BNC2: variants seen among roughly 807,000 people sequenced by gnomAD.
BNC2 encodes the protein basonuclin zinc finger protein 2.
In BNC2, 20 loss-of-function variants were observed where a neutral mutation model predicts 76.3. That is an observed-to-expected ratio of 0.26 (90% CI 0.18 to 0.38). The LOEUF (loss-of-function observed/expected upper bound fraction) is 0.38, where lower values mean the gene tolerates loss of function less well. Among genes scored for constraint, BNC2 ranks in the 10% least tolerant of loss-of-function variants. The probability of loss-of-function intolerance (pLI) is 1.00; values close to 1 mark genes in which losing one functional copy is unlikely to be tolerated. For missense variants in BNC2, 1,382 were observed against 1,399.8 expected, an observed-to-expected ratio of 0.99 and a Z score of 0.20; for synonymous variants, 582 against 514.8, an observed-to-expected ratio of 1.13 and a Z score of -1.77.
chr9:16,443,615 AG>A (rs1339138101), intron 5 of BNC2, among the ~76,000 whole-genome samples: 1 of 151,304 alleles, frequency 6.6e-6, no homozygotes, highest in Non-Finnish European at 1.5e-5. Context: ...TTCAAGTCTT[AG>A]GGGTAAAGAA....
In BNC2 at chr9:16,707,362, A is replaced by G. The variant is rs142606316; in HGVS notation, c.330+20435T>C. Among the ~76,000 whole-genome samples the G allele has an allele frequency of 3.0e-3, 458 of 152,346 alleles. 3 individuals carry two copies. The highest frequency in any genetic ancestry group is 0.011 in the African/African-American group (443 of 41,580). On this transcript the variant is annotated intron_variant, in intron 3 of 6. Transcript: ENST00000380672. ...AGGAAGAATCAAGTGATGCCGTGAG[A>G]TTAAAATTACAGAGGTTAATTTCTA...
chr9:16,647,093 A>G (rs2133909330), intron 3 of BNC2, among the ~76,000 whole-genome samples: 1 of 152,330 alleles, frequency 6.6e-6, no homozygotes, highest in East Asian at 1.9e-4. Context: ...ACCTGGTTGT[A>G]GATGATATTT....
intron 3 of BNC2, among the ~76,000 whole-genome samples, chr9:16,628,362 G>C (rs942622285): frequency 1.3e-5 from 2 of 152,140 alleles, no homozygotes; most frequent in African/African-American, 4.8e-5. Flanking sequence ...ACAGTGGTAG[G>C]GAGAAAATCC....
chr9:16,589,188 T>A (rs1013582036), intron 3 of BNC2, among the ~76,000 whole-genome samples: 9 of 151,870 alleles, frequency 5.9e-5, no homozygotes, highest in African/African-American at 2.2e-4. Flanking sequence ...AAAAAAAAAA[T>A]TTTGTTGTTT....
At chr9:16,768,239 T>A (rs977642158) in intron 1 of BNC2, among the ~76,000 whole-genome samples, 4 of 152,112 alleles carry the variant, frequency 2.6e-5, no homozygotes, top group Non-Finnish European at 5.9e-5. Context: ...GTGCTAGGAT[T>A]ACAGGCGTGA....
intron 5 of BNC2, among the ~76,000 whole-genome samples, chr9:16,508,804 G>C (rs1458356888): frequency 1.4e-5 from 2 of 148,012 alleles, no homozygotes; most frequent in Admixed American, 1.4e-4. Context: ...TCCCTCCTCT[G>C]TGTATGTTTT....
intron 3 of BNC2, among the ~76,000 whole-genome samples, chr9:16,664,198 G>A (rs548352717): frequency 1.2e-4 from 19 of 152,294 alleles, no homozygotes; most frequent in Non-Finnish European, 2.2e-4. Context: ...GAATTTGATA[G>A]GGAATGCTCC....
intron 1 of BNC2, among the ~76,000 whole-genome samples, chr9:16,842,154 G>T (rs992342216): frequency 1.3e-5 from 2 of 152,128 alleles, no homozygotes; most frequent in Admixed American, 6.5e-5. Context: ...TTTTGAAGCT[G>T]CTTTGCCTTA....
In BNC2 at chr9:16,798,762, T is replaced by C. The variant is rs141793209; in HGVS notation, c.4-60277A>G. ...TGCTCCCCACCACCCTGTAAGTCCA[T>C]TTCCATTGCACAACTACACTGAATG... On this transcript the variant is annotated intron_variant, in intron 1 of 6. Transcript: ENST00000380672. 1.5e-3 allele frequency among the ~76,000 whole-genome samples: 227 copies of C among 152,312 alleles called. 2 individuals are homozygous for C. Among genetic ancestry groups the C allele is most frequent in the Middle Eastern group, 0.01 (3 of 294 alleles).
chr9:16,573,888 G>C (rs1272096134), intron 4 of BNC2, among the ~76,000 whole-genome samples: 1 of 152,146 alleles, frequency 6.6e-6, no homozygotes, highest in East Asian at 1.9e-4. Context: ...GGTAAGAAAT[G>C]GGATGTATAA....
rs1820492142 is a variant in BNC2 at position 16,412,723 on chromosome 9, GAGAGAGAGAGAGA to G, written c.*6253_*6265del. ...AAGAGGGAAGGAGAGAGAGAGGGGA[GAGAGAGAGAGAGA>G]GAGAGAGAGAGAGAGAGAGAGAGAG... On this transcript the variant is annotated 3_prime_UTR_variant, in exon 7 of 7. Transcript: ENST00000380672. 5.4e-5 allele frequency: 1 copy of G among 18,502 alleles called. No individual in the cohort carries two copies. The highest frequency in any genetic ancestry group is 9.7e-4 in the African/African-American group (1 of 1,034). The allele number at this position is 18,502 out of a possible 1,614,324, so 1.1% of individuals were successfully genotyped here. A position where few individuals can be genotyped will look rare whatever the true frequency, so the allele number is the denominator to read the frequency against.
At chr9:16,596,093 C>T (rs1190532131) in intron 3 of BNC2, among the ~76,000 whole-genome samples, 2 of 152,058 alleles carry the variant, frequency 1.3e-5, no homozygotes, top group African/African-American at 4.8e-5. Flanking sequence ...AAGAATCACT[C>T]CATCAGATCA....
chr9:16,665,196 C>A, intron 3 of BNC2: 1 of 396,038 alleles, frequency 2.5e-6, no homozygotes, highest in South Asian at 1.9e-5. Flanking sequence ...AGGTGAAATC[C>A]TGTTTCTACT....
At chr9:16,501,503 G>C (rs1431243521) in intron 5 of BNC2, among the ~76,000 whole-genome samples, 1 of 152,136 alleles carries the variant, frequency 6.6e-6, no homozygotes, top group Admixed American at 6.5e-5. Context: ...TGTCCAAATG[G>C]AAGATGAAAG....
At chr9:16,835,677 G>A (rs1818690172) in intron 1 of BNC2, among the ~76,000 whole-genome samples, 1 of 152,182 alleles carries the variant, frequency 6.6e-6, no homozygotes, top group Non-Finnish European at 1.5e-5. Flanking sequence ...ACTCCAGCCT[G>A]GGCAACAGAG....
chr9:16,616,270 T>C (rs540231450), intron 3 of BNC2, among the ~76,000 whole-genome samples: 5 of 152,190 alleles, frequency 3.3e-5, no homozygotes, highest in South Asian at 2.1e-4. Flanking sequence ...TGCATACCTA[T>C]AGTCCCAGCT....
intron 3 of BNC2, among the ~76,000 whole-genome samples, chr9:16,649,069 A>G (rs2133929347): frequency 6.6e-6 from 1 of 152,354 alleles, no homozygotes; most frequent in African/African-American, 2.4e-5. Flanking sequence ...GAATGCATAT[A>G]TCATCCCATG....
At position 16,487,113 on chromosome 9, in the gene BNC2, A is replaced by C. The variant is rs566562573; in HGVS notation, c.670-49589T>G. Among the ~76,000 whole-genome samples the C allele has an allele frequency of 8.2e-4, 125 of 152,326 alleles. 4 individuals carry two copies. In the South Asian group the frequency reaches 0.024, roughly 30 times the overall value. The stretch of plus-strand genomic sequence containing the variant: ...AGATGAGAAAAGAGATGTGTAACTC[A>C]AGTTACCTGTTTGCCTAAAGGCAAG... On this transcript the variant is annotated intron_variant, in intron 5 of 6. Transcript: ENST00000380672.
chr9:16,429,292 G>C (rs779942904), intron 6 of BNC2: 1 of 152,108 alleles, frequency 6.6e-6, no homozygotes, highest in Non-Finnish European at 1.5e-5. Flanking sequence ...AGACAAAACG[G>C]AACTTACCTG....
Sources: gnomAD v4.1 joint callset for allele counts (sites outside exome capture counted in the v4.1 genomes callset) on GRCh38, gnomAD v4.1.1 for gene constraint, MANE v1.5 for transcripts, NCBI Gene and HGNC (gene_info 2026-07-23, HGNC 2026-07-21) for gene names.